PARD6G: variants seen among roughly 807,000 people sequenced by gnomAD.
PARD6G encodes the protein par-6 family cell polarity regulator gamma, also known as partitioning defective 6 homolog gamma.
Under a neutral mutation model 10.7 loss-of-function variants are expected in PARD6G, and 7 were observed. That is an observed-to-expected ratio of 0.66 (90% CI 0.37 to 1.23). PARD6G has a LOEUF of 1.23. Among genes scored for constraint, PARD6G ranks in the 50% most tolerant of loss-of-function variants. PARD6G has a pLI of 0.02. For synonymous variants in PARD6G, 287 were observed against 269.4 expected (o/e 1.07, Z -0.64); for missense variants, 548 against 571.8 (o/e 0.96, Z 0.42).
At chr18:80,205,194 G>A (rs562949317) in intron 1 of PARD6G, among the ~76,000 whole-genome samples, 11 of 152,180 alleles carry the variant, frequency 7.2e-5, no homozygotes, top group African/African-American at 2.4e-4. Context: ...ATCTCTCCCC[G>A]TTATTCAAGG....
intron 2 of PARD6G, among the ~76,000 whole-genome samples, chr18:80,198,077 A>G (rs1966974465): frequency 6.6e-6 from 1 of 152,224 alleles, no homozygotes. Flanking sequence ...AAAGGCAGTG[A>G]AGGCCTAAGG....
chr18:80,244,063 TCATATGAAAATTCATCTCCATTTAC>T (rs1362345848), intron 1 of PARD6G, among the ~76,000 whole-genome samples: 2 of 152,164 alleles, frequency 1.3e-5, no homozygotes. Flanking sequence ...TGTCTTCTCC[TCATATGAAAATTCATCTCCATTTAC>T]CGCCCCCTGT....
At chr18:80,241,454 T>C (rs893371001) in intron 1 of PARD6G, among the ~76,000 whole-genome samples, 23 of 145,126 alleles carry the variant, frequency 1.6e-4, no homozygotes, top group African/African-American at 6.6e-4. Context: ...CTATCTGCAA[T>C]TGCAATGCAT....
In PARD6G at chr18:80,175,694, C is replaced by T. The variant is rs957196913; in HGVS notation, c.296-15088G>A. Among the ~76,000 whole-genome samples, 2 of 152,152 alleles carry T rather than the reference C, an allele frequency of 1.3e-5. No individual in the cohort carries two copies. The highest frequency in any genetic ancestry group is 2.9e-5 in the Non-Finnish European group (2 of 68,030). On this transcript the variant is annotated intron_variant, in intron 2 of 2. Transcript: ENST00000353265. This position sits in a 1 kb window ranked among gnomAD's most constrained non-coding sequence, Gnocchi z 6.7. ...CAGGGCACAACCCTCGTTCCACCAC[C>T]GCAGGGACATTAGGTGTTTGGGCTT...
Position 80,188,982 on chromosome 18 carries a change from C to T in PARD6G, c.295+13728G>A, listed in dbSNP as rs917216016. On this transcript the variant is annotated intron_variant, in intron 2 of 2. Coordinates refer to ENST00000353265, the MANE Select transcript of PARD6G (RefSeq NM_032510.4). The surrounding 1 kb of genome is among the most constrained non-coding windows in gnomAD (Gnocchi z 5.4). ...ATCCCAGCAGAGGCAGCAAGGTAGG[C>T]GTTGCCCAGCCCGGGGTTGCCTGAC... Among the ~76,000 whole-genome samples, 15 of 152,174 alleles carry T rather than the reference C, an allele frequency of 9.9e-5. No individual in the cohort carries two copies. The highest frequency in any genetic ancestry group is 2.2e-4 in the Non-Finnish European group (15 of 68,016).
rs1243096435 is a variant in PARD6G, at chr18:80,246,609, T to A, written c.72+668A>T. Reference sequence around the variant, plus strand: ...GGGGGCGCGTCCGGAGGTGGGGGAGTCTGGGGTGGGGGCGCGCCCGTGGGG... The same window carrying A: ...GGGGGCGCGTCCGGAGGTGGGGGAGACTGGGGTGGGGGCGCGCCCGTGGGG... On this transcript the variant is annotated intron_variant, in intron 1 of 2. Coordinates refer to ENST00000353265, the MANE Select transcript of PARD6G (RefSeq NM_032510.4). This position sits in a 1 kb window ranked among gnomAD's most constrained non-coding sequence, Gnocchi z 6.7. Among the ~76,000 whole-genome samples the A allele has an allele frequency of 7.7e-5, 3 of 38,798 alleles. No homozygotes were observed. Among genetic ancestry groups the A allele is most frequent in the African/African-American group, 3.2e-4 (3 of 9,268 alleles). The allele number at this position is 38,798 out of a possible 152,430, so 25.5% of individuals were successfully genotyped here.
intron 1 of PARD6G, among the ~76,000 whole-genome samples, chr18:80,211,938 G>C (rs1009698057): frequency 1.4e-5 from 2 of 144,078 alleles, no homozygotes; most frequent in African/African-American, 2.8e-5. Flanking sequence ...TGCAGAGTTT[G>C]AGTTTTACAA....
intron 2 of PARD6G, among the ~76,000 whole-genome samples, chr18:80,187,174 T>C (rs1292173477): frequency 6.6e-6 from 1 of 151,954 alleles, no homozygotes; most frequent in African/African-American, 2.4e-5. Context: ...GTGGGGCTGC[T>C]CCTAAGGACA....
chr18:80,167,620 C>T (rs927002280), intron 2 of PARD6G, among the ~76,000 whole-genome samples: 3 of 152,108 alleles, frequency 2.0e-5, no homozygotes, highest in African/African-American at 7.2e-5. Context: ...ATGAGATGTA[C>T]CCAGGCCTGT....
chr18:80,224,716 G>A (rs763930289), intron 1 of PARD6G, among the ~76,000 whole-genome samples: 6 of 152,050 alleles, frequency 3.9e-5, no homozygotes, highest in Non-Finnish European at 4.4e-5. Context: ...GCGTGATGGC[G>A]GGCGCCTGTA....
In PARD6G at chr18:80,247,240, CTG is replaced by C; in HGVS notation, c.72+35_72+36del. The C allele has an allele frequency of 6.5e-7, 1 of 1,534,874 alleles. No individual in the cohort carries two copies. The highest frequency in any genetic ancestry group is 8.8e-7 in the Non-Finnish European group (1 of 1,131,798). On this transcript the variant is annotated intron_variant, in intron 1 of 2. Coordinates refer to ENST00000353265, the MANE Select transcript of PARD6G (RefSeq NM_032510.4). This position sits in a 1 kb window ranked among gnomAD's most constrained non-coding sequence, Gnocchi z 4.2. ...GGCGCCCCATTCATTAGCCAGGAGA[CTG>C]GGCGCAGGGCCGCCGGGGCGGGCGG...
intron 1 of PARD6G, among the ~76,000 whole-genome samples, chr18:80,210,582 C>CA (rs1967097302): frequency 6.6e-6 from 1 of 152,138 alleles, no homozygotes; most frequent in South Asian, 2.1e-4. Context: ...GCCTTGTCCC[C>CA]AGGGCATTTG....
In PARD6G at chr18:80,158,193, C is replaced by T. The variant is rs534353967; in HGVS notation, c.*1578G>A. 4 of 152,072 alleles carry T rather than the reference C, an allele frequency of 2.6e-5. No homozygotes were observed. Among genetic ancestry groups the T allele is most frequent in the South Asian group, 2.1e-4 (1 of 4,830 alleles). 9.4% of individuals were successfully genotyped at this position (152,072 alleles called of 1,614,324 possible). ...GTATTTGTTAAAAATCACTAAGTTC[C>T]ACGTGACTTCTTATAGTTAAAAGTG... On this transcript the variant is annotated 3_prime_UTR_variant, in exon 3 of 3. Transcript: ENST00000353265.
chr18:80,188,837 G>A lies in PARD6G; in HGVS notation c.295+13873C>T, dbSNP rs908749278. 6.6e-6 allele frequency among the ~76,000 whole-genome samples: 1 copy of A among 152,234 alleles called. No homozygotes were observed. The highest frequency in any genetic ancestry group is 2.1e-4 in the South Asian group (1 of 4,836). ...GCCCACGAGATGGGCTTGCGGGGAA[G>A]TCAGGCGGGTGCAATCCCTACCGTT... is the stretch of plus-strand genomic sequence containing the variant. On this transcript the variant is annotated intron_variant, in intron 2 of 2. Transcript: ENST00000353265. The surrounding 1 kb of genome is among the most constrained non-coding windows in gnomAD (Gnocchi z 5.4).
At position 80,192,048 on chromosome 18, in the gene PARD6G, T is replaced by C. The variant is rs1966902499; in HGVS notation, c.295+10662A>G. Among the ~76,000 whole-genome samples the C allele has an allele frequency of 6.6e-6, 1 of 152,208 alleles. No individual in the cohort carries two copies. The highest frequency in any genetic ancestry group is 2.1e-4 in the South Asian group (1 of 4,828). ...GATGATTCTGAACATCAAAAACGTG[T>C]ACTTTCATGTTTTCAATGTACAAGA... On this transcript the variant is annotated intron_variant, in intron 2 of 2. Coordinates refer to ENST00000353265, the MANE Select transcript of PARD6G (RefSeq NM_032510.4). The surrounding 1 kb of genome is among the most constrained non-coding windows in gnomAD (Gnocchi z 4.9).
In PARD6G at chr18:80,246,358, G is replaced by T. The variant is rs1234388095; in HGVS notation, c.72+919C>A. 6.6e-6 allele frequency among the ~76,000 whole-genome samples: 1 copy of T among 152,214 alleles called. No homozygotes were observed. The highest frequency in any genetic ancestry group is 2.4e-5 in the African/African-American group (1 of 41,466). The stretch of plus-strand genomic sequence containing the variant: ...CACAAACAATAGCATCTGCGGCGAA[G>T]GAACCACCCCCGCAAAGGGCAGAAG... On this transcript the variant is annotated intron_variant, in intron 1 of 2. Transcript: ENST00000353265. The surrounding 1 kb of genome is among the most constrained non-coding windows in gnomAD (Gnocchi z 6.7).
chr18:80,193,888 G>A (rs1040272330), intron 2 of PARD6G, among the ~76,000 whole-genome samples: 2 of 152,290 alleles, frequency 1.3e-5, no homozygotes, highest in Admixed American at 1.3e-4. Context: ...TGTGTCAAGT[G>A]CCACAAAAAC....
intron 1 of PARD6G, among the ~76,000 whole-genome samples, chr18:80,237,465 A>C (rs182188644): frequency 0.025 from 3,878 of 152,262 alleles, 159 homozygotes; most frequent in African/African-American, 0.089. Context: ...TCTAAAACAC[A>C]AAAAGCAATG....
Position 80,160,227 on chromosome 18 carries a change from G to A in PARD6G, c.675C>T (p.Ala225=). 1 of 1,613,048 alleles carries A rather than the reference G, an allele frequency of 6.2e-7. No individual in the cohort carries two copies. Residue 225 remains alanine (A), a synonymous_variant, in exon 3 of 3, where the codon GCC becomes GCT. Transcript: ENST00000353265. ...CCGTGACCTGGTCCAGCGTCTTCCC[G>A]GCCACCTCAATGCCGTTCACCTCCA... ...EVLEVNGIEV[A]GKTLDQVTDM... is the part of the protein sequence containing the mutation.
Sources: allele counts gnomAD v4.1 joint callset (sites outside exome capture counted in the v4.1 genomes callset), GRCh38; gene constraint gnomAD v4.1.1; non-coding constraint Gnocchi (gnomAD v3.1); transcripts MANE v1.5; gene names NCBI Gene and HGNC (gene_info 2026-07-23, HGNC 2026-07-21).